The following CAMK4 variants were observed in gnomAD, a reference collection of about 807,000 sequenced individuals.
CAMK4 encodes the protein calcium/calmodulin dependent protein kinase IV.
A neutral mutation model predicts 44.9 loss-of-function variants in CAMK4; 22 were observed. The ratio of observed to expected loss-of-function variants is 0.49; its 90% CI spans 0.35 to 0.70. The LOEUF is 0.70. Among genes scored for constraint, CAMK4 ranks in the 30% least tolerant of loss-of-function variants. CAMK4 has a pLI of 0.01. For synonymous variants in CAMK4, 218 were observed against 215.4 expected, an observed-to-expected ratio of 1.01 and a Z score of -0.11; for missense variants, 498 against 586.8, an observed-to-expected ratio of 0.85 and a Z score of 1.56.
At chr5:111,229,834 G>A (rs1748378246) in intron 1 of CAMK4, among the ~76,000 whole-genome samples, 1 of 152,100 alleles carries the variant, frequency 6.6e-6, no homozygotes, top group South Asian at 2.1e-4. Flanking sequence ...GAGCAAGGTG[G>A]GATTGCAAGT....
chr5:111,263,997 C>T (rs1195739605), intron 1 of CAMK4, among the ~76,000 whole-genome samples: 1 of 152,208 alleles, frequency 6.6e-6, no homozygotes, highest in Non-Finnish European at 1.5e-5. Context: ...GGAACATTGT[C>T]CTTTCTGTCT....
In CAMK4 at chr5:111,482,955, T is replaced by C. The variant is rs763380205; in HGVS notation, c.981+18T>C. 6.4e-7 allele frequency: 1 copy of C among 1,560,054 alleles called. No individual in the cohort carries two copies. The highest frequency in any genetic ancestry group is 1.4e-5 in the African/African-American group (1 of 71,908). On this transcript the variant is annotated intron_variant, in intron 10 of 10. Coordinates refer to ENST00000282356, the MANE Select transcript of CAMK4 (RefSeq NM_001744.6). The surrounding 1 kb of genome is among the most constrained non-coding windows in gnomAD (Gnocchi z 4.9). ...AGCTTAAGGTAAGATAGCATATATT[T>C]TGTTTTGTTTTGTTTTGTTTTCAAA... is the stretch of plus-strand genomic sequence containing the variant.
chr5:111,390,652 A>T (rs533718935), intron 4 of CAMK4, among the ~76,000 whole-genome samples: 1 of 152,204 alleles, frequency 6.6e-6, no homozygotes, highest in African/African-American at 2.4e-5. Flanking sequence ...ATGCAGTGCT[A>T]TTAGAAATGT....
At chr5:111,385,565 G>A (rs306116) in intron 4 of CAMK4, among the ~76,000 whole-genome samples, 132,792 of 151,308 alleles carry the variant, frequency 0.88, 58,467 homozygotes, top group East Asian at 1. Context: ...ATATATATAT[G>A]TGTGTGTTTT....
chr5:111,407,979 G>A (rs1025711428), intron 5 of CAMK4, among the ~76,000 whole-genome samples: 3 of 151,988 alleles, frequency 2.0e-5, no homozygotes, highest in African/African-American at 7.2e-5. Flanking sequence ...TACAAAATTA[G>A]CCGGGCATGG....
chr5:111,332,157 G>T (rs1169883067), intron 1 of CAMK4, among the ~76,000 whole-genome samples: 1 of 151,216 alleles, frequency 6.6e-6, no homozygotes, highest in African/African-American at 2.4e-5. Context: ...GTATACATGT[G>T]CCATGCTGGT....
intron 9 of CAMK4, among the ~76,000 whole-genome samples, chr5:111,481,079 A>C (rs1755419663): frequency 6.6e-6 from 1 of 152,220 alleles, no homozygotes; most frequent in South Asian, 2.1e-4. Flanking sequence ...TAACCTTCAG[A>C]AAGTTTCCTA....
In CAMK4 at chr5:111,368,523, C is replaced by T. The variant is rs142938435; in HGVS notation, c.241-6327C>T. 4.1e-4 allele frequency among the ~76,000 whole-genome samples: 62 copies of T among 152,132 alleles called. 1 individual carries two copies. Among genetic ancestry groups the T allele is most frequent in the African/African-American group, 1.4e-3 (59 of 41,514 alleles). Reference sequence around the variant, plus strand: ...CATGATACCTTTAAAGAGAACTGCCCCTGAGAGTATGGCTATTTAAGAAGC... The same window carrying T: ...CATGATACCTTTAAAGAGAACTGCCTCTGAGAGTATGGCTATTTAAGAAGC... On this transcript the variant is annotated intron_variant, in intron 2 of 10. Coordinates refer to ENST00000282356, the MANE Select transcript of CAMK4 (RefSeq NM_001744.6).
At chr5:111,450,925 T>C (rs760384269) in intron 7 of CAMK4, among the ~76,000 whole-genome samples, 38 of 152,184 alleles carry the variant, frequency 2.5e-4, no homozygotes, top group Non-Finnish European at 5.9e-5. Context: ...TTGTTTTCTA[T>C]AGCGCTTATA....
intron 5 of CAMK4, among the ~76,000 whole-genome samples, chr5:111,432,681 T>TATAC (rs1753501082): frequency 6.8e-6 from 1 of 146,140 alleles, no homozygotes; most frequent in African/African-American, 2.5e-5. Flanking sequence ...TATATATATA[T>TATAC]ACATTTATGT....
rs1754693645 is a variant in CAMK4 at position 111,462,949 on chromosome 5, TATATA to T, written c.626-10355_626-10351del. Among the ~76,000 whole-genome samples the T allele has an allele frequency of 2.0e-5, 3 of 152,216 alleles. No individual in the cohort carries two copies. The South Asian group carries it at 6.2e-4, about 31-fold the overall frequency. ...TAGACCTAGATGGTATGTTAATGAA[TATATA>T]ATATAAGGTTTGAATTTTTGTGTAA... On this transcript the variant is annotated intron_variant, in intron 7 of 10. Transcript: ENST00000282356.
chr5:111,375,071 T>C (rs1266385397), intron 3 of CAMK4, among the ~76,000 whole-genome samples, 159 bp downstream of exon 3: 1 of 152,150 alleles, frequency 6.6e-6, no homozygotes, highest in East Asian at 1.9e-4. Flanking sequence ...TTTCAATCCT[T>C]TGGCTGAATA....
chr5:111,473,508 A>G (rs752713583), intron 8 of CAMK4, 122 bp downstream of exon 8: 1 of 651,030 alleles, frequency 1.5e-6, no homozygotes. Context: ...TTTCTGTTAC[A>G]TACTAAATGC....
At chr5:111,359,593 A>C (rs7706446) in intron 2 of CAMK4, among the ~76,000 whole-genome samples, 139,136 of 151,822 alleles carry the variant, frequency 0.92, 63,896 homozygotes, top group East Asian at 1. Flanking sequence ...TTTATTAGAT[A>C]CATTTGTCAA....
At chr5:111,407,503 A>G (rs1410071191) in intron 5 of CAMK4, among the ~76,000 whole-genome samples, 2 of 152,184 alleles carry the variant, frequency 1.3e-5, no homozygotes, top group Non-Finnish European at 2.9e-5. Flanking sequence ...TCAAGCTGTA[A>G]GGAAATAAGC....
At chr5:111,317,636 C>G (rs374893636) in intron 1 of CAMK4, among the ~76,000 whole-genome samples, 1 of 151,894 alleles carries the variant, frequency 6.6e-6, no homozygotes, top group African/African-American at 2.4e-5. Context: ...TGTGATTATG[C>G]CCCTCATTTG....
intron 2 of CAMK4, among the ~76,000 whole-genome samples, chr5:111,366,106 T>C (rs1263911590): frequency 1.3e-5 from 2 of 152,178 alleles, no homozygotes; most frequent in South Asian, 2.1e-4. Flanking sequence ...GGTTGCTTAT[T>C]TATTTATGCA....
chr5:111,275,756 T>C (rs979502683), intron 1 of CAMK4, among the ~76,000 whole-genome samples: 3 of 152,200 alleles, frequency 2.0e-5, no homozygotes, highest in African/African-American at 7.2e-5. Context: ...ATTGCATATT[T>C]CAAAATAACT....
intron 1 of CAMK4, among the ~76,000 whole-genome samples, chr5:111,300,898 G>A (rs1747690943): frequency 6.6e-6 from 1 of 152,154 alleles, no homozygotes; most frequent in Non-Finnish European, 1.5e-5. Context: ...GAAAAAACTT[G>A]AAAATCAAAT....
Sources: allele counts gnomAD v4.1 joint callset (sites outside exome capture counted in the v4.1 genomes callset), GRCh38; gene constraint gnomAD v4.1.1; non-coding constraint Gnocchi (gnomAD v3.1); transcripts MANE v1.5; gene names NCBI Gene and HGNC (gene_info 2026-07-23, HGNC 2026-07-21).